The following MAP2K5 variants were observed in gnomAD, a reference collection of about 807,000 sequenced individuals.
MAP2K5 encodes the protein mitogen-activated protein kinase kinase 5, also known as dual specificity mitogen-activated protein kinase kinase 5.
In MAP2K5, 49 loss-of-function variants were observed where a neutral mutation model predicts 83.1. The ratio of observed to expected loss-of-function variants is 0.59; its 90% CI spans 0.47 to 0.75. MAP2K5 has a LOEUF of 0.75. Ranked by LOEUF, MAP2K5 falls within the 30% of genes least tolerant of loss-of-function variation. The pLI is 0.00. For missense variants in MAP2K5, 457 were observed against 557.5 expected, an observed-to-expected ratio of 0.82 and a Z score of 1.82; for synonymous variants, 202 against 191.8, an observed-to-expected ratio of 1.05 and a Z score of -0.44.
At position 67,573,202 on chromosome 15, in the gene MAP2K5, T is replaced by A. The variant is rs1048592427; in HGVS notation, c.253-7552T>A. On this transcript the variant is annotated intron_variant, in intron 3 of 21. Transcript: ENST00000178640. This position sits in a 1 kb window ranked among gnomAD's most constrained non-coding sequence, Gnocchi z 4.2. Reference sequence around the variant, plus strand: ...CATTTTTCCTAGCCCTCACTCAAGATGGAGTTGCTCTGGTTCAAATGCCTC... The same window carrying A: ...CATTTTTCCTAGCCCTCACTCAAGAAGGAGTTGCTCTGGTTCAAATGCCTC... Among the ~76,000 whole-genome samples, 1 of 152,122 alleles carries A rather than the reference T, an allele frequency of 6.6e-6. No homozygotes were observed. The highest frequency in any genetic ancestry group is 2.1e-4 in the South Asian group (1 of 4,820).
At chr15:67,658,495 C>A in intron 11 of MAP2K5, 58 bp from the exon 12 acceptor site, 1 of 1,292,878 alleles carries the variant, frequency 7.7e-7, no homozygotes. Flanking sequence ...ACAGGAGAAG[C>A]CCAGTGCATT....
intron 20 of MAP2K5, 94 bp from the exon 21 acceptor site, chr15:67,772,613 T>G: frequency 1.4e-6 from 1 of 731,710 alleles, no homozygotes; most frequent in African/African-American, 1.8e-5. Context: ...TTGAAAACAT[T>G]CAAATTCCAG....
intron 19 of MAP2K5, among the ~76,000 whole-genome samples, chr15:67,756,515 C>CTCTGTGTGTGTG (rs376708425): frequency 7.6e-6 from 1 of 131,544 alleles, no homozygotes; most frequent in Non-Finnish European, 1.6e-5. Context: ...CACACAGTTA[C>CTCTGTGTGTGTG]TGTGTGTGTG....
intron 11 of MAP2K5, among the ~76,000 whole-genome samples, chr15:67,655,885 G>T (rs758641324): frequency 2.0e-5 from 3 of 151,898 alleles, no homozygotes; most frequent in Non-Finnish European, 4.4e-5. Context: ...ACAGGTCTCC[G>T]AGAATGTGTT....
chr15:67,597,368 A>G (rs1567299659), intron 7 of MAP2K5, among the ~76,000 whole-genome samples: 1 of 152,194 alleles, frequency 6.6e-6, no homozygotes, highest in Non-Finnish European at 1.5e-5. Context: ...GCCAGTGGCC[A>G]TTGATAGGAA....
intron 21 of MAP2K5, among the ~76,000 whole-genome samples, chr15:67,776,613 G>A (rs1486426343): frequency 6.6e-6 from 1 of 152,178 alleles, no homozygotes; most frequent in Non-Finnish European, 1.5e-5. Context: ...CAGGGACAAA[G>A]ACAACCTAAG....
intron 15 of MAP2K5, among the ~76,000 whole-genome samples, chr15:67,699,419 C>T (rs1001412616): frequency 1.3e-5 from 2 of 152,172 alleles, no homozygotes; most frequent in African/African-American, 4.8e-5. Context: ...TAAAACTGCT[C>T]CTCTTCCCCC....
chr15:67,563,361 G>T lies in MAP2K5; in HGVS notation c.252+11G>T, dbSNP rs2084777586. 6.2e-7 allele frequency: 1 copy of T among 1,601,932 alleles called. No homozygotes were observed. The highest frequency in any genetic ancestry group is 1.7e-5 in the Admixed American group (1 of 57,166). On this transcript the variant is annotated intron_variant, in intron 3 of 21. Transcript: ENST00000178640. The surrounding 1 kb of genome is among the most constrained non-coding windows in gnomAD (Gnocchi z 4.5). ...GCAATGCTGTCATATGTAAGTATAC[G>T]ACAAATGAAGACTATTTTTTAAAAT...
At chr15:67,673,164 T>G (rs2087589758) in intron 13 of MAP2K5, among the ~76,000 whole-genome samples, 1 of 152,320 alleles carries the variant, frequency 6.6e-6, no homozygotes, top group Admixed American at 6.5e-5. Flanking sequence ...TGGTTCCATA[T>G]GAACTTTAAA....
In MAP2K5 at chr15:67,722,759, A is replaced by G. The variant is rs1765278062; in HGVS notation, c.1045-5157A>G. On this transcript the variant is annotated intron_variant, in intron 16 of 21. Coordinates refer to ENST00000178640, the MANE Select transcript of MAP2K5 (RefSeq NM_145160.3). This position sits in a 1 kb window ranked among gnomAD's most constrained non-coding sequence, Gnocchi z 4.2. ...CTGAGTGTTCCAAAGTGGCTGCTGC[A>G]TTTCTATAAAATGAAGATTTAACTG... is the stretch of plus-strand genomic sequence containing the variant. Among the ~76,000 whole-genome samples, 1 of 152,158 alleles carries G rather than the reference A, an allele frequency of 6.6e-6. No individual in the cohort carries two copies. The highest frequency in any genetic ancestry group is 1.5e-5 in the Non-Finnish European group (1 of 68,014).
chr15:67,584,319 A>C (rs913172551), intron 4 of MAP2K5, among the ~76,000 whole-genome samples: 1 of 152,208 alleles, frequency 6.6e-6, no homozygotes, highest in African/African-American at 2.4e-5. Context: ...GTTAGAGATA[A>C]GAGTTGATGT....
intron 16 of MAP2K5, among the ~76,000 whole-genome samples, chr15:67,712,114 A>C (rs1038480999): frequency 6.6e-6 from 1 of 152,204 alleles, no homozygotes; most frequent in African/African-American, 2.4e-5. Flanking sequence ...TCCCATTACT[A>C]CGTTCAGAGG....
At position 67,748,147 on chromosome 15, in the gene MAP2K5, C is replaced by T; in HGVS notation, c.1075-84C>T. On this transcript the variant is annotated intron_variant, in intron 17 of 21. Coordinates refer to ENST00000178640, the MANE Select transcript of MAP2K5 (RefSeq NM_145160.3). The surrounding 1 kb of genome is among the most constrained non-coding windows in gnomAD (Gnocchi z 4.0). Reference sequence around the variant, plus strand: ...TGCCCACAAATTGCCACCAGCAATGCAATAATTTTCTCTCAGTGATCATAA... The same window carrying T: ...TGCCCACAAATTGCCACCAGCAATGTAATAATTTTCTCTCAGTGATCATAA... The T allele has an allele frequency of 1.1e-6, 1 of 936,642 alleles. No individual in the cohort carries two copies. The highest frequency in any genetic ancestry group is 1.7e-6 in the Non-Finnish European group (1 of 585,200). 58.0% of individuals were successfully genotyped at this position (936,642 alleles called of 1,614,324 possible). A position where few individuals can be genotyped will look rare whatever the true frequency, so the allele number is the denominator to read the frequency against.
chr15:67,636,209 G>A lies in MAP2K5; in HGVS notation c.585+5282G>A, dbSNP rs1030630407. ...GGGCGGATCATGAGGTCAGGAGATCGAGACCATCCTAACACGGTGAAACCC... is the reference window on the plus strand; with the variant it reads ...GGGCGGATCATGAGGTCAGGAGATCAAGACCATCCTAACACGGTGAAACCC... On this transcript the variant is annotated intron_variant, in intron 9 of 21. Transcript: ENST00000178640. The surrounding 1 kb of genome is among the most constrained non-coding windows in gnomAD (Gnocchi z 4.7). Among the ~76,000 whole-genome samples the A allele has an allele frequency of 3.9e-5, 6 of 152,088 alleles. No homozygotes were observed. The highest frequency in any genetic ancestry group is 8.8e-5 in the Non-Finnish European group (6 of 68,004).
intron 15 of MAP2K5, among the ~76,000 whole-genome samples, chr15:67,696,804 C>T (rs1250501127): frequency 6.6e-6 from 1 of 152,078 alleles, no homozygotes; most frequent in Non-Finnish European, 1.5e-5. Context: ...ATGGAGAAAC[C>T]CCATCTCTAC....
rs923177795 is a variant in MAP2K5, at chr15:67,783,939, C to A, written c.1242+11187C>A. On this transcript the variant is annotated intron_variant, in intron 21 of 21. Transcript: ENST00000178640. The surrounding 1 kb of genome is among the most constrained non-coding windows in gnomAD (Gnocchi z 5.1). ...GCCACACTAGCCAGTATTCATACTA[C>A]AATTTATTTTCTCTAAACAAACTTG... is the stretch of plus-strand genomic sequence containing the variant. Among the ~76,000 whole-genome samples the A allele has an allele frequency of 6.6e-6, 1 of 152,206 alleles. No homozygotes were observed. The highest frequency in any genetic ancestry group is 1.5e-5 in the Non-Finnish European group (1 of 68,030).
At chr15:67,596,426 A>G (rs954809500) in intron 7 of MAP2K5, among the ~76,000 whole-genome samples, 2 of 152,200 alleles carry the variant, frequency 1.3e-5, no homozygotes, top group Non-Finnish European at 2.9e-5. Flanking sequence ...AAAAAACTCA[A>G]CAACAACAGG....
In MAP2K5 at chr15:67,774,068, T is replaced by C. The variant is rs2090191861; in HGVS notation, c.1242+1316T>C. Among the ~76,000 whole-genome samples the C allele has an allele frequency of 6.6e-6, 1 of 152,138 alleles. No individual in the cohort carries two copies. Among genetic ancestry groups the C allele is most frequent in the South Asian group, 2.1e-4 (1 of 4,830 alleles). On this transcript the variant is annotated intron_variant, in intron 21 of 21. Transcript: ENST00000178640. This position sits in a 1 kb window ranked among gnomAD's most constrained non-coding sequence, Gnocchi z 4.9. ...ATACGCCCATAAATGTATATGGATG[T>C]ATATGTTGGTAAGGAACACCACTCC...
chr15:67,643,658 G>C (rs890860888), intron 9 of MAP2K5, among the ~76,000 whole-genome samples: 3 of 152,100 alleles, frequency 2.0e-5, no homozygotes, highest in African/African-American at 4.8e-5. Context: ...GTGTTAGCCA[G>C]GATGGTCTCG....
Sources: gnomAD v4.1 joint callset for allele counts (sites outside exome capture counted in the v4.1 genomes callset) on GRCh38, gnomAD v4.1.1 for gene constraint, Gnocchi (gnomAD v3.1) non-coding constraint, MANE v1.5 for transcripts, NCBI Gene and HGNC (gene_info 2026-07-23, HGNC 2026-07-21) for gene names.